Variants in GIPC3 observed in about 807,000 individuals in gnomAD.
GIPC3 encodes the protein PDZ domain-containing protein GIPC3.
Under a neutral mutation model 27.3 loss-of-function variants are expected in GIPC3, and 16 were observed. That is an observed-to-expected ratio of 0.59 (90% CI 0.40 to 0.89). The LOEUF is 0.89. Ranked by LOEUF, GIPC3 falls within the 40% of genes least tolerant of loss-of-function variation. GIPC3 has a pLI of 0.00. For synonymous variants in GIPC3, 194 were observed against 184.6 expected, an observed-to-expected ratio of 1.05 and a Z score of -0.41; for missense variants, 440 against 442.1, an observed-to-expected ratio of 1.00 and a Z score of 0.04.
chr19:3,588,352 T>C (rs577456981), intron 3 of GIPC3, among the ~76,000 whole-genome samples: 4 of 152,062 alleles, frequency 2.6e-5, no homozygotes, highest in African/African-American at 9.7e-5. Context: ...AGTGTATTGA[T>C]TTACACACTA....
chr19:3,585,663 C>A lies in GIPC3; in HGVS notation c.66C>A (p.Pro22=), dbSNP rs1269578352. ...TETPRASAPP[P]APSEPPAAPR... ...CCCCGCGCGCGTCTGCGCCCCCGCC[C>A]GCGCCCTCGGAGCCCCCGGCCGCGC... The change falls in exon 1 of 6, where the codon CCC becomes CCA. Residue 22 remains proline (P), a synonymous_variant. Coordinates refer to ENST00000644452, the MANE Select transcript of GIPC3 (RefSeq NM_133261.3). 12 of 1,246,726 alleles carry A rather than the reference C, an allele frequency of 9.6e-6. No homozygotes were observed. The highest frequency in any genetic ancestry group is 3.1e-4 in the Middle Eastern group (1 of 3,212). 77.2% of individuals were successfully genotyped at this position (1,246,726 alleles called of 1,614,324 possible). A position where few individuals can be genotyped will look rare whatever the true frequency, so the allele number is the denominator to read the frequency against.
chr19:3,586,907 C>T lies in GIPC3; in HGVS notation c.505C>T (p.Arg169Cys). ...CAACGACCACTCCATTGTGGGCTGC[C>T]GCCACTACGAGGTGGCCAAGATGCT... is the stretch of plus-strand genomic sequence containing the variant. ...AINDHSIVGC[R>C]HYEVAKMLRE... The change falls in exon 3 of 6, where the codon CGC becomes TGC. Residue 169 changes from arginine (R) to cysteine (C), a missense_variant. Physicochemically the swap from Arg to Cys is radical, Grantham distance 180. Transcript: ENST00000644452. 12 of 1,613,472 alleles carry T rather than the reference C, an allele frequency of 7.4e-6. No homozygotes were observed. The highest frequency in any genetic ancestry group is 1.0e-5 in the Non-Finnish European group (12 of 1,179,956).
chr19:3,585,965 G>A, intron 1 of GIPC3, 143 bp downstream of exon 1: 1 of 1,389,728 alleles, frequency 7.2e-7, no homozygotes, highest in Non-Finnish European at 9.6e-7. Context: ...CAGAGACCCA[G>A]CCCTCAGATC....
Position 3,592,130 on chromosome 19 carries a change from A to G in GIPC3, c.*1940A>G. On this transcript the variant is annotated 3_prime_UTR_variant, in exon 6 of 6. Coordinates refer to ENST00000644452, the MANE Select transcript of GIPC3 (RefSeq NM_133261.3). ...GTCCTGGGACCCAGGCCATCGCAGC[A>G]ATAGAATTAAGCTCCACAGCCCTGT... 1 of 1,232,046 alleles carries G rather than the reference A, an allele frequency of 8.1e-7. No individual in the cohort carries two copies. 76.3% of individuals were successfully genotyped at this position (1,232,046 alleles called of 1,614,324 possible).
intron 3 of GIPC3, 129 bp downstream of exon 3, chr19:3,587,123 G>C: frequency 1.3e-6 from 1 of 792,914 alleles, no homozygotes; most frequent in Non-Finnish European, 2.0e-6. Context: ...GGAGCTCCTG[G>C]CAGGGTATCA....
chr19:3,588,767 AC>A (rs1214946746), intron 3 of GIPC3, among the ~76,000 whole-genome samples: 7 of 151,666 alleles, frequency 4.6e-5, no homozygotes, highest in Non-Finnish European at 1.0e-4. Flanking sequence ...ATATGGTGAA[AC>A]CCTGTCTCTA....
chr19:3,589,724 G>C (rs371957896), intron 4 of GIPC3, 107 bp from the exon 5 acceptor site: 1 of 1,201,594 alleles, frequency 8.3e-7, no homozygotes, highest in East Asian at 2.4e-5. Flanking sequence ...CTACTGACTC[G>C]TGTGAGGGTC....
Position 3,590,606 on chromosome 19 carries a change from G to A in GIPC3, c.*416G>A. 1 of 1,298,472 alleles carries A rather than the reference G, an allele frequency of 7.7e-7. No individual in the cohort carries two copies. The highest frequency in any genetic ancestry group is 9.7e-7 in the Non-Finnish European group (1 of 1,025,744). The allele number at this position is 1,298,472 out of a possible 1,614,324, so 80.4% of individuals were successfully genotyped here. A position where few individuals can be genotyped will look rare whatever the true frequency, so the allele number is the denominator to read the frequency against. On this transcript the variant is annotated 3_prime_UTR_variant, in exon 6 of 6. Transcript: ENST00000644452. ...AGACCATGCCCAGCTCTAGAACTCA[G>A]ATGGGCTCTGAGACCATGCCCAGCT...
Position 3,585,595 on chromosome 19 carries a change from G to C in GIPC3, c.-3G>C, listed in dbSNP as rs1252867088. 2 of 1,152,922 alleles carry C rather than the reference G, an allele frequency of 1.7e-6. No homozygotes were observed. The highest frequency in any genetic ancestry group is 4.3e-5 in the East Asian group (1 of 23,492). 71.4% of individuals were successfully genotyped at this position (1,152,922 alleles called of 1,614,324 possible). A position where few individuals can be genotyped will look rare whatever the true frequency, so the allele number is the denominator to read the frequency against. The stretch of plus-strand genomic sequence containing the variant: ...CCGGGTGGGTGGCCGAACTTCTCCC[G>C]CCATGGAGGGAGCAGCGGCCCGGGA... On this transcript the variant is annotated 5_prime_UTR_variant, in exon 1 of 6. Transcript: ENST00000644452.
chr19:3,586,558 G>A lies in GIPC3; in HGVS notation c.289G>A (p.Gly97Ser). The part of the protein sequence containing the change: ...DMQKLLGGQI[G>S]LEDFIFAHVR... Reference sequence around the variant, plus strand: ...GCAGAAGCTCCTGGGGGGTCAGATAGGCCTGGAGGACTTCATCTTTGCCCA... The same window carrying A: ...GCAGAAGCTCCTGGGGGGTCAGATAAGCCTGGAGGACTTCATCTTTGCCCA... The change falls in exon 2 of 6, where the codon GGC becomes AGC. Residue 97 changes from glycine (G) to serine (S), a missense_variant. Gly to Ser is a moderately conservative substitution (Grantham distance 56). Transcript: ENST00000644452. 1 of 1,613,922 alleles carries A rather than the reference G, an allele frequency of 6.2e-7. No individual in the cohort carries two copies. Among genetic ancestry groups the A allele is most frequent in the Non-Finnish European group, 8.5e-7 (1 of 1,179,982 alleles).
Position 3,585,768 on chromosome 19 carries a change from C to T in GIPC3, c.171C>T (p.Asn57=). Residue 57 remains asparagine (N), a synonymous_variant, in exon 1 of 6, where the codon AAC becomes AAT. Transcript: ENST00000644452. The part of the protein sequence containing the change: ...SPTGKIEGFT[N]VRELYAKIAE... Reference sequence around the variant, plus strand: ...CGGGCAAGATCGAGGGCTTCACCAACGTCCGCGAGCTGTACGCCAAGATCG... The same window carrying T: ...CGGGCAAGATCGAGGGCTTCACCAATGTCCGCGAGCTGTACGCCAAGATCG... 1.3e-6 allele frequency: 2 copies of T among 1,547,430 alleles called. No individual in the cohort carries two copies. Among genetic ancestry groups the T allele is most frequent in the Non-Finnish European group, 8.7e-7 (1 of 1,146,116 alleles).
rs2145278956 is a variant in GIPC3 at position 3,592,781 on chromosome 19, C to T, written c.*2591C>T. ...CTGGAGCCCACCTTAGTTCTGGAAC[C>T]CAGCCTGTTTCTGGAACCCAATCCA... is the stretch of plus-strand genomic sequence containing the variant. On this transcript the variant is annotated 3_prime_UTR_variant, in exon 6 of 6. Transcript: ENST00000644452. 1 of 1,232,146 alleles carries T rather than the reference C, an allele frequency of 8.1e-7. No homozygotes were observed. Among genetic ancestry groups the T allele is most frequent in the East Asian group, 3.2e-5 (1 of 31,710 alleles). The allele number at this position is 1,232,146 out of a possible 1,614,324, so 76.3% of individuals were successfully genotyped here. A position where few individuals can be genotyped will look rare whatever the true frequency, so the allele number is the denominator to read the frequency against.
At position 3,589,530 on chromosome 19, in the gene GIPC3, G is replaced by C. The variant is rs756451615; in HGVS notation, c.680G>C (p.Gly227Ala). 3.7e-6 allele frequency: 6 copies of C among 1,613,876 alleles called. No individual in the cohort carries two copies. Among genetic ancestry groups the C allele is most frequent in the South Asian group, 2.2e-5 (2 of 91,084 alleles). ...AGGGAGACCCTGCGGCTTCGTTCTG[G>C]GGGGGCTGCCACAGTGGAGGAAGCG... ...SGRETLRLRS[G>A]GAATVEEAPS... The change falls in exon 4 of 6, where the codon GGG becomes GCG. Residue 227 changes from glycine (G) to alanine (A), a missense_variant. By Grantham distance (60) the Gly-to-Ala change is moderately conservative. Transcript: ENST00000644452.
chr19:3,591,944 C>G lies in GIPC3; in HGVS notation c.*1754C>G, dbSNP rs2032493703. 2.4e-6 allele frequency: 3 copies of G among 1,232,248 alleles called. No homozygotes were observed. 76.3% of individuals were successfully genotyped at this position (1,232,248 alleles called of 1,614,324 possible). A position where few individuals can be genotyped will look rare whatever the true frequency, so the allele number is the denominator to read the frequency against. The stretch of plus-strand genomic sequence containing the variant: ...AGACCAATTTCAAGGCCTGGCCAAG[C>G]TCCAGAGCTCAATCCAGCCCAAGCA... On this transcript the variant is annotated 3_prime_UTR_variant, in exon 6 of 6. Transcript: ENST00000644452.
intron 3 of GIPC3, among the ~76,000 whole-genome samples, chr19:3,589,023 G>C (rs2032430902): frequency 6.6e-6 from 1 of 151,900 alleles, no homozygotes; most frequent in Admixed American, 6.6e-5. Flanking sequence ...ACCAAGCCCT[G>C]CTCTTAAGCC....
Position 3,586,520 on chromosome 19 carries a change from A to G in GIPC3, c.251A>G (p.His84Arg). The change falls in exon 2 of 6, where the codon CAC (histidine) becomes CGC (arginine). Residue 84 changes from histidine to arginine, a missense_variant. His to Arg is a conservative substitution (Grantham distance 29). Coordinates refer to ENST00000644452, the MANE Select transcript of GIPC3 (RefSeq NM_133261.3). ...TEILFCTLNS[H>R]KVDMQKLLGG... ...ATTTTATTCTGCACCCTCAACAGCC[A>G]CAAAGTGGACATGCAGAAGCTCCTG... 1 of 1,613,864 alleles carries G rather than the reference A, an allele frequency of 6.2e-7. No homozygotes were observed. The highest frequency in any genetic ancestry group is 8.5e-7 in the Non-Finnish European group (1 of 1,179,982).
chr19:3,586,942 G>A lies in GIPC3; in HGVS notation c.540G>A (p.Leu180=). 2.5e-6 allele frequency: 4 copies of A among 1,613,266 alleles called. No individual in the cohort carries two copies. Among genetic ancestry groups the A allele is most frequent in the Non-Finnish European group, 8.5e-7 (1 of 1,179,978 alleles). The change falls in exon 3 of 6, where the codon CTG becomes CTA. Residue 180 remains leucine (L), a synonymous_variant. Transcript: ENST00000644452. ...AGGTGGCCAAGATGCTCCGGGAGCT[G>A]CCCAAGTCCCAGCCCTTCACCCTGC... The part of the protein sequence containing the change: ...HYEVAKMLRE[L]PKSQPFTLRL...
In GIPC3 at chr19:3,591,367, G is replaced by A. The variant is rs942545394; in HGVS notation, c.*1177G>A. The stretch of plus-strand genomic sequence containing the variant: ...CAGACACATTTTAAGACCCAGACCA[G>A]CTTGGAGACCAATCCCAGTTCCAGA... On this transcript the variant is annotated 3_prime_UTR_variant, in exon 6 of 6. Coordinates refer to ENST00000644452, the MANE Select transcript of GIPC3 (RefSeq NM_133261.3). 1 of 1,232,234 alleles carries A rather than the reference G, an allele frequency of 8.1e-7. No homozygotes were observed. Among genetic ancestry groups the A allele is most frequent in the African/African-American group, 1.6e-5 (1 of 64,388 alleles). The allele number at this position is 1,232,234 out of a possible 1,614,324, so 76.3% of individuals were successfully genotyped here.
chr19:3,590,558 C>T lies in GIPC3; in HGVS notation c.*368C>T. 1 of 1,345,346 alleles carries T rather than the reference C, an allele frequency of 7.4e-7. No individual in the cohort carries two copies. Among genetic ancestry groups the T allele is most frequent in the Non-Finnish European group, 9.5e-7 (1 of 1,053,382 alleles). The allele number at this position is 1,345,346 out of a possible 1,614,324, so 83.3% of individuals were successfully genotyped here. ...AGGCCTGCTCTGAGGCCAAGCCCAGCTCTAGAACCCAGATGAGCTCTGAGA... is the reference window on the plus strand; with the variant it reads ...AGGCCTGCTCTGAGGCCAAGCCCAGTTCTAGAACCCAGATGAGCTCTGAGA... On this transcript the variant is annotated 3_prime_UTR_variant, in exon 6 of 6. Transcript: ENST00000644452.
Sources: gnomAD v4.1 joint callset for allele counts (sites outside exome capture counted in the v4.1 genomes callset) on GRCh38, gnomAD v4.1.1 for gene constraint, MANE v1.5 for transcripts, NCBI Gene and HGNC (gene_info 2026-07-23, HGNC 2026-07-21) for gene names.